Variants in SARAF observed in about 807,000 individuals in gnomAD.
SARAF encodes the protein store-operated calcium entry associated regulatory factor.
Under a neutral mutation model 39.7 loss-of-function variants are expected in SARAF, and 23 were observed. The ratio of observed to expected loss-of-function variants is 0.58; its 90% confidence interval spans 0.42 to 0.82. The LOEUF is 0.82. Among genes scored for constraint, SARAF ranks in the 40% least tolerant of loss-of-function variants. The probability of loss-of-function intolerance (pLI) is 0.00; values close to 1 mark genes in which losing one functional copy is unlikely to be tolerated. For missense variants in SARAF, 384 were observed against 418.5 expected, an observed-to-expected ratio of 0.92 and a Z score of 0.72; for synonymous variants, 175 against 168.5, an observed-to-expected ratio of 1.04 and a Z score of -0.30.
upstream of SARAF, chr8:30,083,068 C>G (rs530952846): frequency 4.5e-6 from 3 of 670,840 alleles, no homozygotes; most frequent in South Asian, 4.2e-5. Flanking sequence ...AGGAACGGCC[C>G]GACTGCAGAG....
At chr8:30,073,593 C>T in intron 2 of SARAF, 1 of 295,722 alleles carries the variant, frequency 3.4e-6, no homozygotes, top group Admixed American at 4.7e-5. Flanking sequence ...CATAAGATAT[C>T]CCCTATCCCT....
rs376738645 is a variant in SARAF, at chr8:30,069,733, C to G, written c.609G>C (p.Pro203=). 1.9e-6 allele frequency: 3 copies of G among 1,613,894 alleles called. No individual in the cohort carries two copies. The highest frequency in any genetic ancestry group is 2.5e-6 in the Non-Finnish European group (3 of 1,179,980). ...GGGAAAATGGAGGATACTCAGAGTA[C>G]GGTGGAGGAGAATACTGCCCGTCAC... ...FLSDGQYSPP[P]YSEYPPFSHR... is the part of the protein sequence containing the mutation. The change falls in exon 3 of 6, where the codon CCG becomes CCC. Residue 203 remains proline, a synonymous_variant. Transcript: ENST00000256255.
chr8:30,064,408 C>T (rs1801624485), intron 5 of SARAF, among the ~76,000 whole-genome samples: 1 of 151,528 alleles, frequency 6.6e-6, no homozygotes, highest in Non-Finnish European at 1.5e-5. Flanking sequence ...TTCAGGTTTA[C>T]ATTATTTGGT....
intron 2 of SARAF, among the ~76,000 whole-genome samples, chr8:30,070,860 A>G (rs934065597): frequency 6.6e-6 from 1 of 152,220 alleles, no homozygotes; most frequent in Non-Finnish European, 1.5e-5. Context: ...TTATAAAACC[A>G]TGGACTAACT....
chr8:30,078,005 TG>T (rs1802007311), intron 1 of SARAF, among the ~76,000 whole-genome samples: 1 of 150,454 alleles, frequency 6.6e-6, no homozygotes, highest in Non-Finnish European at 1.5e-5. Flanking sequence ...CCAGGCATGG[TG>T]GCGGGCACCT....
chr8:30,073,163 CA>C (rs1184348401), intron 2 of SARAF, among the ~76,000 whole-genome samples: 22 of 152,308 alleles, frequency 1.4e-4, no homozygotes, highest in African/African-American at 4.3e-4. Flanking sequence ...TTGTATCAAA[CA>C]AGAATATCAT....
intron 3 of SARAF, among the ~76,000 whole-genome samples, chr8:30,069,375 A>G (rs1801775611): frequency 6.6e-6 from 1 of 151,932 alleles, no homozygotes; most frequent in Non-Finnish European, 1.5e-5. Context: ...CCCAACCTCA[A>G]GTGATCTGCC....
chr8:30,083,029 A>C lies in SARAF; in HGVS notation c.-80T>G. The stretch of plus-strand genomic sequence containing the variant: ...TGCGGTAGCGCGCGCGACGCTGCGC[A>C]GCTACACCGCTACCCCTGGCGGCGG... On this transcript the variant is annotated 5_prime_UTR_variant, in exon 1 of 6. Coordinates refer to ENST00000256255, the MANE Select transcript of SARAF (RefSeq NM_016127.6). The C allele has an allele frequency of 8.4e-6, 9 of 1,069,692 alleles. No homozygotes were observed. The highest frequency in any genetic ancestry group is 1.2e-5 in the Non-Finnish European group (9 of 755,944). The allele number at this position is 1,069,692 out of a possible 1,614,324, so 66.3% of individuals were successfully genotyped here. A position where few individuals can be genotyped will look rare whatever the true frequency, so the allele number is the denominator to read the frequency against.
At position 30,074,328 on chromosome 8, in the gene SARAF, G is replaced by C. The variant is rs930838634; in HGVS notation, c.104-273C>G. ...TTTTGCTAAATCAAAAGAACAAAAA[G>C]TTCATTAACCTGAAACATTGTACTA... is the stretch of plus-strand genomic sequence containing the variant. On this transcript the variant is annotated intron_variant, in intron 1 of 5. Transcript: ENST00000256255. Among the ~76,000 whole-genome samples the C allele has an allele frequency of 1.9e-4, 29 of 152,280 alleles. 1 individual carries two copies. The highest frequency in any genetic ancestry group is 6.8e-3 in the Middle Eastern group (2 of 294).
chr8:30,080,768 A>G (rs1442323860), intron 1 of SARAF, among the ~76,000 whole-genome samples: 1 of 152,266 alleles, frequency 6.6e-6, no homozygotes, highest in African/African-American at 2.4e-5. Context: ...GTCAAACAAA[A>G]GATAAATTAG....
In SARAF at chr8:30,069,704, C is replaced by T. The variant is rs200334339; in HGVS notation, c.638G>A (p.Arg213His). 2.2e-5 allele frequency: 35 copies of T among 1,614,006 alleles called. No individual in the cohort carries two copies. The highest frequency in any genetic ancestry group is 1.2e-4 in the Admixed American group (7 of 59,992). ...PYSEYPPFSHRYQRFTNSAGP... is the reference protein window; with the variant it reads ...PYSEYPPFSHHYQRFTNSAGP... ...TGCTGAGTTGGTGAATCTCTGGTAA[C>T]GGTGGGAAAATGGAGGATACTCAGA... Residue 213 changes from arginine to histidine, a missense_variant, in exon 3 of 6, where the codon CGT becomes CAT. Transcript: ENST00000256255.
Position 30,080,778 on chromosome 8 carries a change from GGGAGCCGATTAAT to G in SARAF, c.103+2056_103+2068del, listed in dbSNP as rs1303251188. Among the ~76,000 whole-genome samples, 11 of 152,228 alleles carry G rather than the reference GGGAGCCGATTAAT, an allele frequency of 7.2e-5. No homozygotes were observed. The East Asian group carries it at 1.9e-3, about 27-fold the overall frequency. The stretch of plus-strand genomic sequence containing the variant: ...TCCAAGTCAAACAAAAGATAAATTA[GGGAGCCGATTAAT>G]GCTTTAGTAAAGGACTTAATAAATA... On this transcript the variant is annotated intron_variant, in intron 1 of 5. Coordinates refer to ENST00000256255, the MANE Select transcript of SARAF (RefSeq NM_016127.6).
intron 1 of SARAF, among the ~76,000 whole-genome samples, chr8:30,074,794 G>T (rs1332747437): frequency 1.1e-4 from 17 of 152,078 alleles, no homozygotes; most frequent in Non-Finnish European, 1.0e-4. Flanking sequence ...TAGCAAATAT[G>T]GCAAAATATA....
intron 5 of SARAF, among the ~76,000 whole-genome samples, 164 bp from the exon 6 acceptor site, chr8:30,064,077 C>T (rs893190913): frequency 1.3e-5 from 2 of 150,382 alleles, no homozygotes. Flanking sequence ...AGTGCATCGC[C>T]TCCCACAGCA....
intron 1 of SARAF, among the ~76,000 whole-genome samples, chr8:30,081,660 T>C (rs1186142797): frequency 6.6e-6 from 1 of 151,936 alleles, no homozygotes; most frequent in Non-Finnish European, 1.5e-5. Context: ...GCATTTCCAA[T>C]CACCAAATCA....
intron 3 of SARAF, among the ~76,000 whole-genome samples, chr8:30,067,539 C>G (rs1267440962): frequency 6.6e-6 from 1 of 152,208 alleles, no homozygotes; most frequent in Non-Finnish European, 1.5e-5. Flanking sequence ...CATGACAACT[C>G]CTAATAGATT....
intron 1 of SARAF, among the ~76,000 whole-genome samples, chr8:30,079,315 T>C (rs917549321): frequency 1.3e-5 from 2 of 152,134 alleles, no homozygotes; most frequent in African/African-American, 4.8e-5. Context: ...GGATAAAAGA[T>C]GTCTTCTTTA....
chr8:30,074,157 C>T, intron 1 of SARAF, 102 bp from the exon 2 acceptor site: 1 of 1,314,868 alleles, frequency 7.6e-7, no homozygotes, highest in Non-Finnish European at 1.0e-6. Context: ...CCTTTCTTGC[C>T]TTCTGAGGAT....
At chr8:30,073,390 TC>T (rs1259340794) in intron 2 of SARAF, among the ~76,000 whole-genome samples, 1 of 152,222 alleles carries the variant, frequency 6.6e-6, no homozygotes, top group East Asian at 1.9e-4. Context: ...CCAAAGGCAA[TC>T]AATGAAACCT....
Sources: allele counts gnomAD v4.1 joint callset (sites outside exome capture counted in the v4.1 genomes callset), GRCh38; gene constraint gnomAD v4.1.1; transcripts MANE v1.5; gene names NCBI Gene and HGNC (gene_info 2026-07-23, HGNC 2026-07-21).